Variants in PPARGC1A observed in about 807,000 individuals in gnomAD.
PPARGC1A encodes PPARG coactivator 1 alpha.
PPARGC1A carries 25 observed loss-of-function variants against 88.7 expected under a neutral mutation model. The ratio of observed to expected loss-of-function variants is 0.28; its 90% CI spans 0.21 to 0.39. PPARGC1A has a LOEUF of 0.39. Among genes scored for constraint, PPARGC1A ranks in the 10% least tolerant of loss-of-function variants. The pLI is 1.00. For synonymous variants in PPARGC1A, 363 were observed against 355.6 expected (o/e 1.02, Z -0.24); for missense variants, 880 against 968.7 (o/e 0.91, Z 1.22).
the PPARGC1A span, among the ~76,000 whole-genome samples, chr4:24,129,044 G>C: frequency 2.0e-4 from 31 of 152,190 alleles, no homozygotes; most frequent in Admixed American, 1.8e-3. Flanking sequence ...CATGTAAGCA[G>C]AGCAAAAAAT....
At chr4:24,315,831 A>G in the PPARGC1A span, among the ~76,000 whole-genome samples, 1 of 152,186 alleles carries the variant, frequency 6.6e-6, no homozygotes, top group South Asian at 2.1e-4. Flanking sequence ...GGCTCGCATC[A>G]TTTGTAGATT....
chr4:23,893,227 T>C (rs1718112005), upstream of PPARGC1A, among the ~76,000 whole-genome samples: 1 of 152,054 alleles, frequency 6.6e-6, no homozygotes, highest in Admixed American at 6.6e-5. Context: ...ACAAATACGT[T>C]GACTGAAGTG....
chr4:24,226,641 G>A, the PPARGC1A span, among the ~76,000 whole-genome samples: 1 of 152,232 alleles, frequency 6.6e-6, no homozygotes, highest in South Asian at 2.1e-4. Context: ...AGCTGGAGGA[G>A]CTAAGGTAAC....
chr4:24,410,467 C>T, the PPARGC1A span, among the ~76,000 whole-genome samples: 1 of 152,294 alleles, frequency 6.6e-6, no homozygotes, highest in East Asian at 1.9e-4. Context: ...CTCCTGCCCC[C>T]ACCAACTAAT....
the PPARGC1A span, among the ~76,000 whole-genome samples, chr4:24,245,834 T>C: frequency 6.6e-6 from 1 of 151,666 alleles, no homozygotes; most frequent in Non-Finnish European, 1.5e-5. Flanking sequence ...TCAGATACTT[T>C]GACATAAATA....
At chr4:23,937,068 T>C in the PPARGC1A span, among the ~76,000 whole-genome samples, 43 of 151,756 alleles carry the variant, frequency 2.8e-4, no homozygotes, top group Non-Finnish European at 4.7e-4. Context: ...TGAAGGTCAA[T>C]TGCTAAGGCA....
the PPARGC1A span, among the ~76,000 whole-genome samples, chr4:24,155,121 TG>T: frequency 7.0e-4 from 98 of 140,308 alleles, no homozygotes; most frequent in African/African-American, 2.8e-3. Flanking sequence ...ACCTCGGTTT[TG>T]TTTTTTTTTT....
intron 7 of PPARGC1A, among the ~76,000 whole-genome samples, chr4:23,815,120 T>TAGA (rs1721712387): frequency 1.6e-5 from 2 of 125,754 alleles, no homozygotes; most frequent in Non-Finnish European, 3.3e-5. Context: ...TTAAGCAACT[T>TAGA]AGAAGAAAAA....
At chr4:24,413,602 A>C in the PPARGC1A span, among the ~76,000 whole-genome samples, 26 of 152,296 alleles carry the variant, frequency 1.7e-4, no homozygotes, top group Admixed American at 1.7e-3. Flanking sequence ...ATTTTAACCC[A>C]GATCCTTGTG....
At chr4:24,309,974 C>T in the PPARGC1A span, among the ~76,000 whole-genome samples, 5,580 of 152,048 alleles carry the variant, frequency 0.037, 131 homozygotes, top group Middle Eastern at 0.12. Flanking sequence ...GGTCAAATAG[C>T]GAAAATTAGT....
the PPARGC1A span, among the ~76,000 whole-genome samples, chr4:24,226,218 G>T: frequency 6.6e-6 from 1 of 152,164 alleles, no homozygotes; most frequent in Non-Finnish European, 1.5e-5. Context: ...TCTGAAATGT[G>T]TTCATTCCGG....
chr4:23,925,053 C>T, the PPARGC1A span, among the ~76,000 whole-genome samples: 1 of 152,272 alleles, frequency 6.6e-6, no homozygotes, highest in South Asian at 2.1e-4. Context: ...TCAGAAGAAA[C>T]GTGTAAGCAC....
At chr4:23,871,804 T>C (rs1713431952) in intron 2 of PPARGC1A, among the ~76,000 whole-genome samples, 1 of 152,170 alleles carries the variant, frequency 6.6e-6, no homozygotes, top group South Asian at 2.1e-4. Flanking sequence ...ACTTTTCCCC[T>C]ATACAAGAGC....
At chr4:24,288,248 A>C in the PPARGC1A span, among the ~76,000 whole-genome samples, 1,502 of 152,272 alleles carry the variant, frequency 9.9e-3, 27 homozygotes, top group African/African-American at 0.034. Context: ...TCCCAGGGGC[A>C]AAGAGCTTCT....
chr4:24,291,081 C>T, the PPARGC1A span, among the ~76,000 whole-genome samples: 1 of 152,214 alleles, frequency 6.6e-6, no homozygotes, highest in African/African-American at 2.4e-5. Context: ...TCTCTCAGAT[C>T]ATCACTGAGG....
the PPARGC1A span, among the ~76,000 whole-genome samples, chr4:23,986,370 T>C: frequency 1.3e-4 from 20 of 152,108 alleles, no homozygotes; most frequent in Admixed American, 1.3e-3. Context: ...TGACTCAGGT[T>C]CTCAAATTAA....
chr4:24,410,601 A>G, the PPARGC1A span, among the ~76,000 whole-genome samples: 1 of 152,208 alleles, frequency 6.6e-6, no homozygotes, highest in Non-Finnish European at 1.5e-5. Context: ...GGAGATTAAC[A>G]TTTGAATCAG....
chr4:24,059,722 G>A, the PPARGC1A span, among the ~76,000 whole-genome samples: 35 of 152,128 alleles, frequency 2.3e-4, no homozygotes, highest in African/African-American at 8.2e-4. Context: ...AACCACATTC[G>A]CAATTCTGGA....
At chr4:24,470,277 GACACAC>G in the PPARGC1A span, among the ~76,000 whole-genome samples, 1,574 of 110,728 alleles carry the variant, frequency 0.014, 18 homozygotes, top group Middle Eastern at 0.031. The surrounding 1 kb of genome is among the most constrained non-coding windows in gnomAD (Gnocchi z 5.8). Flanking sequence ...GACAGACACA[GACACAC>G]ACACACACAC....
Sources: gnomAD v4.1 joint callset for allele counts (sites outside exome capture counted in the v4.1 genomes callset) on GRCh38, gnomAD v4.1.1 for gene constraint, Gnocchi (gnomAD v3.1) non-coding constraint, MANE v1.5 for transcripts, NCBI Gene and HGNC (gene_info 2026-07-23, HGNC 2026-07-21) for gene names.